CDHR2: variants seen among roughly 807,000 people sequenced by gnomAD.
CDHR2 encodes cadherin-related family member 2.
CDHR2 carries 104 observed loss-of-function variants against 138.6 expected under a neutral mutation model. The observed-to-expected ratio is 0.75, with a 90% CI of 0.64 to 0.88. The LOEUF (loss-of-function observed/expected upper bound fraction) is 0.88, where lower values mean the gene tolerates loss of function less well. Among genes scored for constraint, CDHR2 ranks in the 40% least tolerant of loss-of-function variants. The pLI is 0.00. For synonymous variants in CDHR2, 755 were observed against 742.8 expected, an observed-to-expected ratio of 1.02 and a Z score of -0.27; for missense variants, 1,624 against 1,727.6, an observed-to-expected ratio of 0.94 and a Z score of 1.06.
chr5:176,591,209 G>A lies in CDHR2; in HGVS notation c.3540-1G>A, dbSNP rs1455752804. ...GTGACCCCTCTTCCGGTTCCCCACA[G>A]CTACAACCGGAAGCTTCAAGCTATG... On this transcript the variant is annotated splice_acceptor_variant, in intron 28 of 31. Transcript: ENST00000261944. LOFTEE classifies it high-confidence loss of function. 5 of 1,609,212 alleles carry A rather than the reference G, an allele frequency of 3.1e-6. No individual in the cohort carries two copies. The Admixed American group carries it at 5.0e-5, about 16-fold the overall frequency.
chr5:176,570,048 GCTTTGA>G (rs1758188064), intron 5 of CDHR2, among the ~76,000 whole-genome samples: 2 of 152,042 alleles, frequency 1.3e-5, no homozygotes, highest in Non-Finnish European at 2.9e-5. Context: ...GTTACTGTAT[GCTTTGA>G]CACTTCTCAG....
chr5:176,591,574 G>T, intron 30 of CDHR2, 90 bp downstream of exon 30: 3 of 986,974 alleles, frequency 3.0e-6, no homozygotes, highest in Non-Finnish European at 4.8e-6. Flanking sequence ...GGTGATGATG[G>T]TGATGACAAT....
At chr5:176,568,925 G>A in intron 4 of CDHR2, 35 bp from the exon 5 acceptor site, 2 of 1,613,242 alleles carry the variant, frequency 1.2e-6, no homozygotes, top group Non-Finnish European at 1.7e-6. Flanking sequence ...CCCAGCGGGG[G>A]CTCACCACCG....
At chr5:176,577,867 T>A (rs62404701) in intron 14 of CDHR2, 69 bp downstream of exon 14, 23,966 of 1,491,884 alleles carry the variant, frequency 0.016, 284 homozygotes, top group South Asian at 0.03. Context: ...AGTGTGAGAG[T>A]GTGTGTGTGT....
intron 6 of CDHR2, among the ~76,000 whole-genome samples, chr5:176,572,480 T>C (rs1437277099): frequency 6.6e-6 from 1 of 152,194 alleles, no homozygotes; most frequent in African/African-American, 2.4e-5. Context: ...TTCTCAATCT[T>C]TCCAGCCCAA....
chr5:176,593,821 A>G (rs1758947565), intron 31 of CDHR2, among the ~76,000 whole-genome samples: 1 of 152,214 alleles, frequency 6.6e-6, no homozygotes, highest in Non-Finnish European at 1.5e-5. Context: ...AATGTCGCAC[A>G]GGGGCCCAGG....
rs200126955 is a variant in CDHR2, at chr5:176,576,027, G to A, written c.1036G>A (p.Val346Ile). 1.1e-4 allele frequency: 172 copies of A among 1,613,944 alleles called. No individual in the cohort carries two copies. Among genetic ancestry groups the A allele is most frequent in the Non-Finnish European group, 1.3e-4 (159 of 1,179,992 alleles). ...CTGGGTGACAGTGAGAGTGATGGAC[G>A]TCAATGACCACAAACCTGAGTTTTA... ...SIWVTVRVMD[V>I]NDHKPEFYNC... is the part of the protein sequence containing the mutation. The change falls in exon 12 of 32, where the codon GTC becomes ATC. Residue 346 changes from valine to isoleucine, a missense_variant. Physicochemically the swap from Val to Ile is conservative, Grantham distance 29 (BLOSUM62 3). Transcript: ENST00000261944. This position sits in a 1 kb window ranked among gnomAD's most constrained non-coding sequence, Gnocchi z 4.5.
At chr5:176,588,998 G>C in intron 21 of CDHR2, 33 bp from the exon 22 acceptor site, 1 of 1,609,346 alleles carries the variant, frequency 6.2e-7, no homozygotes, top group Admixed American at 1.7e-5. Flanking sequence ...TGGCCTGGCT[G>C]GGCCCCCAGA....
At chr5:176,595,059 TCAC>T (rs1486860236) in intron 31 of CDHR2, among the ~76,000 whole-genome samples, 1 of 152,172 alleles carries the variant, frequency 6.6e-6, no homozygotes, top group African/African-American at 2.4e-5. Flanking sequence ...CTGCCCCTCT[TCAC>T]CAGTAGACCT....
chr5:176,560,501 A>G (rs561404946), intron 1 of CDHR2, among the ~76,000 whole-genome samples: 1 of 152,280 alleles, frequency 6.6e-6, no homozygotes, highest in South Asian at 2.1e-4. Flanking sequence ...AGGAGTGTCA[A>G]AAGATCTGTG....
chr5:176,571,729 G>C (rs1048160436), intron 6 of CDHR2, among the ~76,000 whole-genome samples: 1 of 151,950 alleles, frequency 6.6e-6, no homozygotes, highest in African/African-American at 2.4e-5. Context: ...GTAGAGACGG[G>C]GTTTCACCGT....
rs1399171392 is a variant in CDHR2 at position 176,595,701 on chromosome 5, G to GAATC, written c.*31_*32insTCAA. ...GGGCCCCCACTCTTCTGGACCCCTT[G>GAATC]AAGAGGCCCTACCACACCCTAACTG... On this transcript the variant is annotated 3_prime_UTR_variant, in exon 32 of 32. Transcript: ENST00000261944. 2 of 1,529,462 alleles carry GAATC rather than the reference G, an allele frequency of 1.3e-6. No homozygotes were observed. The highest frequency in any genetic ancestry group is 1.9e-4 in the Middle Eastern group (1 of 5,308). The allele number at this position is 1,529,462 out of a possible 1,614,324, so 94.7% of individuals were successfully genotyped here.
chr5:176,557,117 G>A (rs1757850786), intron 1 of CDHR2, among the ~76,000 whole-genome samples: 1 of 150,102 alleles, frequency 6.7e-6, no homozygotes, highest in African/African-American at 2.5e-5. Context: ...CCGGGCTCAA[G>A]CAGTTCTCCC....
chr5:176,556,462 C>T (rs181609396), intron 1 of CDHR2, among the ~76,000 whole-genome samples: 30 of 152,260 alleles, frequency 2.0e-4, no homozygotes, highest in South Asian at 1.9e-3. Flanking sequence ...GTCAGGAGAT[C>T]GAGACCATCC....
At position 176,584,835 on chromosome 5, in the gene CDHR2, A is replaced by G. The variant is rs768859156; in HGVS notation, c.2554A>G (p.Thr852Ala). Residue 852 changes from threonine (T) to alanine (A), a missense_variant, in exon 19 of 32, where the codon ACC becomes GCC. Thr to Ala is a moderately conservative substitution (Grantham distance 58, BLOSUM62 0). Around this residue, in one of 3 missense-constraint regions of CDHR2, gnomAD observed 1,061 missense variants for 1,136.6 expected, o/e 0.93. Transcript: ENST00000261944. ...GATACAGCTTGTGAACATTCTCTGC[A>G]CCAAGGCCGGGGTCGATGTGGGCAG... ...LEIQLVNILC[T>A]KAGVDVGSLC... The G allele has an allele frequency of 4.3e-6, 7 of 1,613,970 alleles. No homozygotes were observed. The African/African-American group carries it at 9.3e-5, about 22-fold the overall frequency.
chr5:176,576,473 G>A lies in CDHR2; in HGVS notation c.1194+288G>A, dbSNP rs530487752. On this transcript the variant is annotated intron_variant, in intron 12 of 31. Coordinates refer to ENST00000261944, the MANE Select transcript of CDHR2 (RefSeq NM_017675.6). The surrounding 1 kb of genome is among the most constrained non-coding windows in gnomAD (Gnocchi z 4.5). ...TTGTCCGTGGTGATGGGTGGCTGGC[G>A]AGGTCTCCTGGCATTGGGCGGCCAT... Among the ~76,000 whole-genome samples, 25 of 152,194 alleles carry A rather than the reference G, an allele frequency of 1.6e-4. No homozygotes were observed. In the South Asian group the frequency reaches 5.2e-3, roughly 32 times the overall value.
intron 6 of CDHR2, among the ~76,000 whole-genome samples, chr5:176,573,749 G>T (rs569009765): frequency 2.7e-4 from 41 of 152,302 alleles, no homozygotes; most frequent in East Asian, 1.9e-3. Context: ...GAAACCCATG[G>T]CTATAGGCTG....
intron 7 of CDHR2, among the ~76,000 whole-genome samples, chr5:176,574,510 C>A (rs1439453891): frequency 2.0e-5 from 3 of 152,216 alleles, no homozygotes; most frequent in Admixed American, 1.3e-4. Flanking sequence ...CAACCACGTG[C>A]CTGGCACATA....
chr5:176,560,908 G>A (rs1757950917), intron 1 of CDHR2, among the ~76,000 whole-genome samples: 1 of 152,148 alleles, frequency 6.6e-6, no homozygotes, highest in Admixed American at 6.5e-5. Flanking sequence ...TGCTGTGCTG[G>A]GGCTTCAGGG....
Sources: gnomAD v4.1 joint callset for allele counts (sites outside exome capture counted in the v4.1 genomes callset) on GRCh38, gnomAD v4.1.1 for gene constraint, gnomAD v4.1.1 regional missense constraint, Gnocchi (gnomAD v3.1) non-coding constraint, MANE v1.5 for transcripts, NCBI Gene and HGNC (gene_info 2026-07-23, HGNC 2026-07-21) for gene names.